The following SPON1 variants were observed in gnomAD, a reference collection of about 807,000 sequenced individuals.
SPON1 encodes the protein spondin-1.
SPON1 carries 52 observed loss-of-function variants against 111.7 expected under a neutral mutation model. The observed-to-expected ratio is 0.47, with a 90% confidence interval of 0.37 to 0.59. SPON1 has a LOEUF of 0.59. SPON1 is among the 20% of genes least tolerant of loss of function. The pLI, the probability that SPON1 is intolerant of heterozygous loss-of-function variation, is 0.00. For missense variants in SPON1, 957 were observed against 1,068.5 expected, an observed-to-expected ratio of 0.90 and a Z score of 1.46; for synonymous variants, 410 against 395.8, an observed-to-expected ratio of 1.04 and a Z score of -0.43.
Position 13,997,083 on chromosome 11 carries a change from T to A in SPON1, c.345+14130T>A, listed in dbSNP as rs182605764. ...GCTTATGATAAATGAAATTATAGGG[T>A]CAAAGTAAAGTTTCTCTCTCTGTAC... On this transcript the variant is annotated intron_variant, in intron 2 of 15. Coordinates refer to ENST00000576479, the MANE Select transcript of SPON1 (RefSeq NM_006108.4). Among the ~76,000 whole-genome samples the A allele has an allele frequency of 2.4e-4, 37 of 152,344 alleles. 1 individual carries two copies. The East Asian group carries it at 4.8e-3, about 20-fold the overall frequency.
At chr11:14,107,350 A>G (rs1849192455) in intron 5 of SPON1, among the ~76,000 whole-genome samples, 1 of 152,132 alleles carries the variant, frequency 6.6e-6, no homozygotes, top group African/African-American at 2.4e-5. Flanking sequence ...CAGTCTTTTC[A>G]GGTTTATTGG....
At chr11:14,172,118 TG>T (rs1312655401) in intron 6 of SPON1, among the ~76,000 whole-genome samples, 27 of 152,246 alleles carry the variant, frequency 1.8e-4, no homozygotes, top group African/African-American at 6.0e-4. Flanking sequence ...TATTATTGTG[TG>T]GGAGTCTAAG....
chr11:14,164,918 G>T (rs1369285184), intron 6 of SPON1, among the ~76,000 whole-genome samples: 3 of 152,136 alleles, frequency 2.0e-5, no homozygotes, highest in Non-Finnish European at 4.4e-5. Context: ...ATTGATCTGG[G>T]TGGGGCCAGC....
intron 3 of SPON1, among the ~76,000 whole-genome samples, chr11:14,051,623 TGAAGAGG>T (rs1405146455): frequency 2.0e-5 from 3 of 151,966 alleles, no homozygotes; most frequent in Admixed American, 6.5e-5. Context: ...CTTTAAACCA[TGAAGAGG>T]GCCTTTACAG....
At chr11:14,098,247 C>G (rs375643728) in intron 5 of SPON1, among the ~76,000 whole-genome samples, 1 of 152,210 alleles carries the variant, frequency 6.6e-6, no homozygotes, top group African/African-American at 2.4e-5. Context: ...CCGCCTGCCT[C>G]GGCCTCCCAA....
At chr11:14,075,116 A>G (rs1335257477) in intron 3 of SPON1, among the ~76,000 whole-genome samples, 2 of 152,124 alleles carry the variant, frequency 1.3e-5, no homozygotes, top group African/African-American at 4.8e-5. Flanking sequence ...TATTGAGTGG[A>G]GTGGTTTCTA....
In SPON1 at chr11:14,260,648, G is replaced by A. The variant is rs1554941821; in HGVS notation, c.1892G>A (p.Gly631Glu). Residue 631 changes from glycine to glutamate, a missense_variant, in exon 14 of 16, where the codon GGG becomes GAG. This residue lies in a region of SPON1 where 549 missense variants were observed against 606.2 expected (regional missense o/e 0.91). Coordinates refer to ENST00000576479, the MANE Select transcript of SPON1 (RefSeq NM_006108.4). The stretch of plus-strand genomic sequence containing the variant: ...TGGAGTGACTGCAGCGTGACCTGCG[G>A]GAAGGGCATGCGAACCCGACAGCGG... ...SEWSDCSVTCGKGMRTRQRML... is the reference protein window; with the variant it reads ...SEWSDCSVTCEKGMRTRQRML... 2.5e-6 allele frequency: 4 copies of A among 1,613,998 alleles called. No individual in the cohort carries two copies. In the South Asian group the frequency reaches 4.4e-5, roughly 18 times the overall value.
intron 3 of SPON1, among the ~76,000 whole-genome samples, chr11:14,064,727 G>A (rs1462982218): frequency 6.6e-6 from 1 of 152,162 alleles, no homozygotes; most frequent in Non-Finnish European, 1.5e-5. Context: ...AAGTGATAAT[G>A]AAGAGGTGAT....
intron 6 of SPON1, among the ~76,000 whole-genome samples, chr11:14,157,706 A>G (rs1847865357): frequency 6.6e-6 from 1 of 151,840 alleles, no homozygotes; most frequent in African/African-American, 2.4e-5. Context: ...TATGCTTCTT[A>G]TGCTTTTTTT....
chr11:14,168,118 A>G (rs1295983083), intron 6 of SPON1, among the ~76,000 whole-genome samples: 2 of 152,126 alleles, frequency 1.3e-5, no homozygotes, highest in African/African-American at 2.4e-5. Flanking sequence ...TCCTTTTAGC[A>G]TAGCTAGTAG....
chr11:14,193,773 G>A (rs1225225747), intron 6 of SPON1, among the ~76,000 whole-genome samples: 1 of 152,152 alleles, frequency 6.6e-6, no homozygotes, highest in Non-Finnish European at 1.5e-5. Context: ...CTCTCAGACA[G>A]TCTATACTCT....
chr11:14,048,428 A>T (rs1402473221), intron 3 of SPON1, among the ~76,000 whole-genome samples: 1 of 152,214 alleles, frequency 6.6e-6, no homozygotes, highest in Non-Finnish European at 1.5e-5. Flanking sequence ...ATGAATGTCT[A>T]TAGATGACAG....
At position 14,265,845 on chromosome 11, in the gene SPON1, G is replaced by A; in HGVS notation, c.*158G>A. ...TGTGGATGCCAGAGACATCCTTTCTGAATACTTCTTGATGGGTACAGGCTG... is the reference window on the plus strand; with the variant it reads ...TGTGGATGCCAGAGACATCCTTTCTAAATACTTCTTGATGGGTACAGGCTG... On this transcript the variant is annotated 3_prime_UTR_variant, in exon 16 of 16. Coordinates refer to ENST00000576479, the MANE Select transcript of SPON1 (RefSeq NM_006108.4). The A allele has an allele frequency of 1.2e-6, 1 of 842,434 alleles. No individual in the cohort carries two copies. The highest frequency in any genetic ancestry group is 1.8e-6 in the Non-Finnish European group (1 of 555,608). 52.2% of individuals were successfully genotyped at this position (842,434 alleles called of 1,614,324 possible).
intron 6 of SPON1, among the ~76,000 whole-genome samples, chr11:14,236,134 C>T (rs901017634): frequency 6.6e-6 from 1 of 151,902 alleles, no homozygotes; most frequent in East Asian, 1.9e-4. Context: ...GACTGCTGCA[C>T]GAACAAGAGT....
intron 2 of SPON1, among the ~76,000 whole-genome samples, chr11:14,032,696 G>C (rs1848567957): frequency 6.6e-6 from 1 of 152,202 alleles, no homozygotes. Context: ...CCATGATTTA[G>C]TCCAAATCTA....
At chr11:14,264,668 G>A (rs145445824) in intron 15 of SPON1, among the ~76,000 whole-genome samples, 19 of 152,232 alleles carry the variant, frequency 1.2e-4, no homozygotes, top group South Asian at 8.3e-4. Flanking sequence ...ATAGTTGTAC[G>A]GTACATTCCT....
chr11:14,053,084 C>A (rs1047863074), intron 3 of SPON1, among the ~76,000 whole-genome samples: 22 of 152,144 alleles, frequency 1.4e-4, no homozygotes, highest in African/African-American at 5.1e-4. Context: ...TATTCCCTGC[C>A]CTGGTCAAGT....
chr11:14,250,337 C>T (rs1239228708), intron 7 of SPON1, among the ~76,000 whole-genome samples: 1 of 143,802 alleles, frequency 7.0e-6, no homozygotes, highest in African/African-American at 2.5e-5. Context: ...TTTCTATGAT[C>T]TGGTTATTTT....
intron 6 of SPON1, among the ~76,000 whole-genome samples, chr11:14,148,505 A>G (rs10741637): frequency 0.39 from 59,691 of 151,974 alleles, 11,988 homozygotes; most frequent in East Asian, 0.55. Flanking sequence ...ACCAACAAAC[A>G]CCCAAGCTTA....
Sources: gnomAD v4.1 joint callset for allele counts (sites outside exome capture counted in the v4.1 genomes callset) on GRCh38, gnomAD v4.1.1 for gene constraint, gnomAD v4.1.1 regional missense constraint, MANE v1.5 for transcripts, NCBI Gene and HGNC (gene_info 2026-07-23, HGNC 2026-07-21) for gene names.